PTPRD: variants seen among roughly 807,000 people sequenced by gnomAD.
The protein encoded by PTPRD is receptor-type tyrosine-protein phosphatase delta.
In PTPRD, 34 loss-of-function variants were observed where a neutral mutation model predicts 214.5. The observed-to-expected ratio is 0.16, with a 90% confidence interval of 0.12 to 0.21. PTPRD has a LOEUF of 0.21. Ranked by LOEUF, PTPRD falls within the 10% of genes least tolerant of loss-of-function variation. The pLI is 1.00. For synonymous variants in PTPRD, 1,128 were observed against 845.7 expected (o/e 1.33, Z -5.79); for missense variants, 2,545 against 2,398.7 (o/e 1.06, Z -1.27).
chr9:10,286,161 C>T (rs1229719621), intron 3 of PTPRD, among the ~76,000 whole-genome samples: 1 of 151,888 alleles, frequency 6.6e-6, no homozygotes, highest in Non-Finnish European at 1.5e-5. Flanking sequence ...TATGCATGTA[C>T]CAAATAAGGA....
chr9:8,581,396 C>T (rs934771499), intron 14 of PTPRD, among the ~76,000 whole-genome samples: 2 of 152,084 alleles, frequency 1.3e-5, no homozygotes, highest in Non-Finnish European at 2.9e-5. Flanking sequence ...CCTAAACTTC[C>T]AGTGAGTCTG....
chr9:9,348,934 T>G (rs1181208547), intron 9 of PTPRD, among the ~76,000 whole-genome samples: 1 of 152,138 alleles, frequency 6.6e-6, no homozygotes, highest in Non-Finnish European at 1.5e-5. Flanking sequence ...TTTAATTAAT[T>G]CAGGAGACTA....
intron 37 of PTPRD, among the ~76,000 whole-genome samples, chr9:8,379,460 C>A (rs1311404099): frequency 6.6e-6 from 1 of 151,936 alleles, no homozygotes; most frequent in Non-Finnish European, 1.5e-5. Flanking sequence ...TCCTTTTTTG[C>A]CATATGCTAA....
chr9:8,415,219 C>G (rs1355093420), intron 35 of PTPRD, among the ~76,000 whole-genome samples: 2 of 152,168 alleles, frequency 1.3e-5, no homozygotes, highest in East Asian at 1.9e-4. Context: ...AGGAAGAAAG[C>G]AGAGAATGTG....
At chr9:10,115,176 G>A (rs2098720868) in intron 3 of PTPRD, among the ~76,000 whole-genome samples, 1 of 151,948 alleles carries the variant, frequency 6.6e-6, no homozygotes, top group Non-Finnish European at 1.5e-5. Flanking sequence ...TCCTTTGGGT[G>A]TATCTAGAAA....
intron 3 of PTPRD, among the ~76,000 whole-genome samples, chr9:10,249,592 T>C (rs2092581366): frequency 6.6e-6 from 1 of 152,234 alleles, no homozygotes; most frequent in Non-Finnish European, 1.5e-5. Flanking sequence ...ATTTTATTTA[T>C]GACACAGATT....
rs35457279 is a variant in PTPRD at position 8,789,215 on chromosome 9, G to GT, written c.-103-55270dup. 3.9e-5 allele frequency among the ~76,000 whole-genome samples: 6 copies of GT among 152,116 alleles called. No homozygotes were observed. In the East Asian group the frequency reaches 9.7e-4, roughly 25 times the overall value. ...TACTTAATGCTTCTACTAATGAATT[G>GT]TTTTTTCAGCATTTGGCCCAAAAGT... On this transcript the variant is annotated intron_variant, in intron 11 of 45. Coordinates refer to ENST00000381196, the MANE Select transcript of PTPRD (RefSeq NM_002839.4).
At chr9:9,763,277 G>A (rs1006306508) in intron 6 of PTPRD, among the ~76,000 whole-genome samples, 3 of 152,112 alleles carry the variant, frequency 2.0e-5, no homozygotes, top group South Asian at 2.1e-4. Flanking sequence ...TGTTAATAAT[G>A]ATGGGTGTGT....
At chr9:9,851,424 T>C (rs1328485323) in intron 5 of PTPRD, among the ~76,000 whole-genome samples, 1 of 152,228 alleles carries the variant, frequency 6.6e-6, no homozygotes, top group African/African-American at 2.4e-5. Flanking sequence ...GAATGTACAT[T>C]ATAAAGATTT....
At chr9:9,495,749 A>G (rs1589861718) in intron 8 of PTPRD, among the ~76,000 whole-genome samples, 2 of 152,306 alleles carry the variant, frequency 1.3e-5, no homozygotes, top group East Asian at 3.9e-4. Context: ...GATGCTGGAC[A>G]AGAGCTCAGG....
intron 11 of PTPRD, among the ~76,000 whole-genome samples, chr9:8,983,729 G>C (rs1421839661): frequency 2.6e-5 from 4 of 151,678 alleles, no homozygotes; most frequent in Non-Finnish European, 5.9e-5. Flanking sequence ...TGTTGCCAAG[G>C]CTGAGCTCAA....
chr9:8,796,681 T>A (rs1264533859), intron 11 of PTPRD, among the ~76,000 whole-genome samples: 1 of 152,172 alleles, frequency 6.6e-6, no homozygotes, highest in East Asian at 1.9e-4. Flanking sequence ...TGAGTACAAT[T>A]TCTATTTTAT....
At chr9:9,096,583 T>G (rs1303650374) in intron 10 of PTPRD, among the ~76,000 whole-genome samples, 1 of 152,188 alleles carries the variant, frequency 6.6e-6, no homozygotes, top group Non-Finnish European at 1.5e-5. Flanking sequence ...TGATTTCTTT[T>G]TTTTAAAAAT....
intron 9 of PTPRD, among the ~76,000 whole-genome samples, chr9:9,323,587 A>G (rs1038689828): frequency 1.3e-5 from 2 of 152,146 alleles, no homozygotes; most frequent in East Asian, 1.9e-4. Context: ...TTCGAGAACC[A>G]TCATACTATC....
chr9:9,337,593 T>C (rs540914632), intron 9 of PTPRD, among the ~76,000 whole-genome samples: 1 of 152,316 alleles, frequency 6.6e-6, no homozygotes, highest in Non-Finnish European at 1.5e-5. Context: ...AATCTACCTT[T>C]AAGTGATGGA....
At chr9:8,358,218 G>C (rs2077458179) in intron 39 of PTPRD, among the ~76,000 whole-genome samples, 1 of 151,984 alleles carries the variant, frequency 6.6e-6, no homozygotes, top group Non-Finnish European at 1.5e-5. Context: ...GCCTGGGGAA[G>C]AAATTCAGTT....
chr9:9,855,955 A>G (rs1231230783), intron 5 of PTPRD, among the ~76,000 whole-genome samples: 1 of 152,186 alleles, frequency 6.6e-6, no homozygotes, highest in Non-Finnish European at 1.5e-5. Flanking sequence ...AGCATCCTGT[A>G]TCCTCACTTG....
intron 2 of PTPRD, among the ~76,000 whole-genome samples, chr9:10,464,466 G>C (rs1464329960): frequency 1.3e-5 from 2 of 148,402 alleles, no homozygotes; most frequent in East Asian, 2.0e-4. Flanking sequence ...AGAGGAGAAA[G>C]GGAGGAAGGG....
At chr9:8,954,315 A>T (rs1021843205) in intron 11 of PTPRD, among the ~76,000 whole-genome samples, 1 of 151,846 alleles carries the variant, frequency 6.6e-6, no homozygotes, top group Non-Finnish European at 1.5e-5. Flanking sequence ...AACATAAAAA[A>T]AGGAGCAAAA....
Sources: gnomAD v4.1 joint callset for allele counts (sites outside exome capture counted in the v4.1 genomes callset) on GRCh38, gnomAD v4.1.1 for gene constraint, MANE v1.5 for transcripts, NCBI Gene and HGNC (gene_info 2026-07-23, HGNC 2026-07-21) for gene names.